The following IL9R variants were observed in gnomAD, a reference collection of about 807,000 sequenced individuals.
IL9R encodes the protein interleukin-9 receptor.
A neutral mutation model predicts 56.3 loss-of-function variants in IL9R; 54 were observed. The observed-to-expected ratio is 0.96, with a 90% CI of 0.77 to 1.20. IL9R has a LOEUF of 1.20. Ranked by LOEUF, IL9R falls within the 50% of genes most tolerant of loss-of-function variation. IL9R has a pLI of 0.00. For synonymous variants in IL9R, 212 were observed against 250.2 expected (o/e 0.85, Z 1.44); for missense variants, 545 against 629.8 (o/e 0.87, Z 1.44).
chrX:156,009,586 G>A (rs1274942655), intron 8 of IL9R, among the ~76,000 whole-genome samples: 2 of 142,880 alleles, frequency 1.4e-5, no homozygotes, highest in African/African-American at 5.6e-5. Context: ...TGCTGGGGGA[G>A]TGCTGAGGAG....
At chrX:156,001,537 A>G in intron 1 of IL9R, 2 of 1,455,434 alleles carry the variant, frequency 1.4e-6, no homozygotes, top group Admixed American at 1.7e-5. Context: ...CAGTCTTAAC[A>G]GGGGACTGTC....
chrX:156,008,910 CGT>C (rs373537988), intron 8 of IL9R, among the ~76,000 whole-genome samples: 15 of 120,428 alleles, frequency 1.2e-4, no homozygotes, highest in East Asian at 7.4e-4. Flanking sequence ...TGTGTGTGTT[CGT>C]GTGTGTGTCT....
intron 1 of IL9R, among the ~76,000 whole-genome samples, chrX:156,000,145 A>AATATATATATAT (rs1556394101): frequency 7.6e-5 from 11 of 144,250 alleles, no homozygotes; most frequent in African/African-American, 2.7e-4. Context: ...AAAAAAAAAA[A>AATATATATATAT]ATATATATAT....
intron 6 of IL9R, 34 bp from the exon 7 acceptor site, chrX:156,006,049 G>T: frequency 7.8e-7 from 1 of 1,281,600 alleles, no homozygotes; most frequent in Non-Finnish European, 1.1e-6. Context: ...TGGCACTGAG[G>T]CTGCTCACAG....
chrX:156,001,367 C>A (rs1326781544), intron 1 of IL9R: 1 of 1,342,612 alleles, frequency 7.4e-7, no homozygotes. Context: ...TCACATATCC[C>A]AAGAGCAGGC....
intron 1 of IL9R, 60 bp downstream of exon 1, chrX:155,997,847 G>T (rs2067246230): frequency 1.3e-6 from 2 of 1,519,174 alleles, no homozygotes; most frequent in Admixed American, 3.4e-5. Flanking sequence ...AGAAGGCAGA[G>T]AGGGACATGT....
chrX:156,009,252 CT>C (rs2068285695), intron 8 of IL9R, among the ~76,000 whole-genome samples: 1 of 69,606 alleles, frequency 1.4e-5, no homozygotes, highest in Non-Finnish European at 3.0e-5. Flanking sequence ...GTGTGTGTGT[CT>C]GTGTGTGTGT....
chrX:156,007,356 G>C (rs763966070), intron 7 of IL9R, among the ~76,000 whole-genome samples, 167 bp from the exon 8 acceptor site: 33 of 151,220 alleles, frequency 2.2e-4, no homozygotes, highest in Non-Finnish European at 4.1e-4. Flanking sequence ...AGGAGGCCCA[G>C]TTGGGTCCTG....
At chrX:156,000,966 T>A (rs1569468287) in intron 1 of IL9R, among the ~76,000 whole-genome samples, 1 of 152,180 alleles carries the variant, frequency 6.6e-6, no homozygotes, top group Admixed American at 6.5e-5. Context: ...GTGGTGACCC[T>A]GCCCTGCTCA....
chrX:156,000,760 G>A (rs1011294866), intron 1 of IL9R, among the ~76,000 whole-genome samples: 1 of 152,224 alleles, frequency 6.6e-6, no homozygotes, highest in African/African-American at 2.4e-5. Flanking sequence ...TCTGCCTGCA[G>A]CTCCACCCCA....
chrX:156,006,882 A>G (rs1308608056), intron 7 of IL9R, among the ~76,000 whole-genome samples: 5 of 150,348 alleles, frequency 3.3e-5, no homozygotes, highest in East Asian at 4.1e-4. Context: ...CTGGAGGCCA[A>G]TGGGGGCCAG....
chrX:156,001,271 G>T, intron 1 of IL9R: 3 of 744,082 alleles, frequency 4.0e-6, no homozygotes, highest in East Asian at 2.4e-5. Context: ...GGCAGCAGTT[G>T]TCCATTCTGG....
intron 2 of IL9R, 60 bp from the exon 3 acceptor site, chrX:156,003,389 C>G (rs2124509509): frequency 8.3e-7 from 1 of 1,202,886 alleles, no homozygotes; most frequent in Non-Finnish European, 1.2e-6. Context: ...CTCCCCAACC[C>G]CCGAGCTCAG....
At chrX:156,006,376 G>C (rs866402191) in intron 7 of IL9R, among the ~76,000 whole-genome samples, 188 bp downstream of exon 7, 4,098 of 131,044 alleles carry the variant, frequency 0.031, 108 homozygotes, top group African/African-American at 0.11. Flanking sequence ...TGGGCTTTTC[G>C]AGTCTCCACC....
At chrX:156,006,767 T>C (rs764021002) in intron 7 of IL9R, among the ~76,000 whole-genome samples, 27 of 151,254 alleles carry the variant, frequency 1.8e-4, no homozygotes, top group Non-Finnish European at 3.2e-4. Context: ...AGTGGGAGGG[T>C]GCTTCGCTTC....
intron 5 of IL9R, 123 bp downstream of exon 5, chrX:156,004,688 G>GGT: frequency 2.0e-6 from 2 of 978,708 alleles, no homozygotes; most frequent in East Asian, 2.5e-5. Context: ...ACTAGAGCGG[G>GGT]GTGTGTGTGC....
At chrX:156,001,372 G>A in intron 1 of IL9R, 1 of 1,376,862 alleles carries the variant, frequency 7.3e-7, no homozygotes, top group Non-Finnish European at 1.0e-6. Flanking sequence ...TATCCCAAGA[G>A]CAGGCTGACT....
At chrX:156,003,975 C>A in intron 4 of IL9R, 120 bp downstream of exon 4, 1 of 1,055,780 alleles carries the variant, frequency 9.5e-7, no homozygotes, top group Non-Finnish European at 1.4e-6. Flanking sequence ...CAGTCCCAGC[C>A]GAGTGAGATC....
chrX:156,005,854 G>A lies in IL9R; in HGVS notation c.782-229G>A, dbSNP rs767793787. Reference sequence around the variant, plus strand: ...CTTTATGACCCACCTTGTGGCAGATGGGAAGAGTGAGGCCCAGGAGTGTGG... The same window carrying A: ...CTTTATGACCCACCTTGTGGCAGATAGGAAGAGTGAGGCCCAGGAGTGTGG... On this transcript the variant is annotated intron_variant, in intron 6 of 8. Transcript: ENST00000244174. Among the ~76,000 whole-genome samples, 4 of 152,198 alleles carry A rather than the reference G, an allele frequency of 2.6e-5. No homozygotes were observed. In the East Asian group the frequency reaches 7.7e-4, roughly 29 times the overall value.
Sources: gnomAD v4.1 joint callset for allele counts (sites outside exome capture counted in the v4.1 genomes callset) on GRCh38, gnomAD v4.1.1 for gene constraint, MANE v1.5 for transcripts, NCBI Gene and HGNC (gene_info 2026-07-23, HGNC 2026-07-21) for gene names.